BRCA2: variants seen among roughly 807,000 people sequenced by gnomAD.
BRCA2 encodes the protein BRCA2 DNA repair associated, also known as breast cancer type 2 susceptibility protein.
BRCA2 carries 203 observed loss-of-function variants against 276.7 expected under a neutral mutation model. That is an observed-to-expected ratio of 0.73 (90% CI 0.65 to 0.82). The LOEUF is 0.82. Among genes scored for constraint, BRCA2 ranks in the 40% least tolerant of loss-of-function variants. The pLI, the probability that BRCA2 is intolerant of heterozygous loss-of-function variation, is 0.00. For missense variants in BRCA2, 3,920 were observed against 3,915.0 expected, an observed-to-expected ratio of 1.00 and a Z score of -0.03; for synonymous variants, 1,289 against 1,338.4, an observed-to-expected ratio of 0.96 and a Z score of 0.81.
Position 32,363,463 on chromosome 13 carries a change from A to G in BRCA2, c.8261A>G (p.His2754Arg), listed in dbSNP as rs1555287066. The G allele has an allele frequency of 6.2e-7, 1 of 1,614,166 alleles. No homozygotes were observed. The highest frequency in any genetic ancestry group is 2.2e-5 in the East Asian group (1 of 44,876). ...RLTVGQKIIL[H>R]GAELVGSPDA... is the part of the protein sequence containing the mutation. ...ACAGTTGGTCAGAAGATTATTCTTC[A>G]TGGAGCAGAACTGGTGGGCTCTCCT... The change falls in exon 18 of 27, where the codon CAT becomes CGT. Residue 2754 changes from histidine (H) to arginine (R), a missense_variant. Around this residue, in one of 2 missense-constraint regions of BRCA2, gnomAD observed 3,263 missense variants for 3,156.9 expected, o/e 1.03. Transcript: ENST00000380152.
intron 4 of BRCA2, 26 bp downstream of exon 4, chr13:32,325,210 T>TGTTTC: frequency 7.0e-7 from 1 of 1,427,076 alleles, no homozygotes; most frequent in Non-Finnish European, 9.8e-7. Flanking sequence ...TATATTAAAA[T>TGTTTC]ATTTAAATGA....
rs771226774 is a variant in BRCA2, at chr13:32,336,433, G to A, written c.2078G>A (p.Cys693Tyr). 1.9e-6 allele frequency: 3 copies of A among 1,613,712 alleles called. No homozygotes were observed. The highest frequency in any genetic ancestry group is 2.5e-6 in the Non-Finnish European group (3 of 1,179,880). ...GATCTTGATTATAAAGAAGCAAAAT[G>A]TAATAAGGAAAAACTACAGTTATTT... ...SQDLDYKEAK[C>Y]NKEKLQLFIT... Residue 693 changes from cysteine (C) to tyrosine (Y), a missense_variant, in exon 11 of 27, where the codon TGT becomes TAT. Physicochemically the swap from Cys to Tyr is radical, Grantham distance 194 (BLOSUM62 -2). Coordinates refer to ENST00000380152, the MANE Select transcript of BRCA2 (RefSeq NM_000059.4).
At chr13:32,370,931 T>C in intron 19 of BRCA2, 25 bp from the exon 20 acceptor site, 3 of 1,613,774 alleles carry the variant, frequency 1.9e-6, no homozygotes, top group Non-Finnish European at 2.5e-6. Flanking sequence ...GTGACTTTTT[T>C]GGTGTGTGTA....
In BRCA2 at chr13:32,338,577, C is replaced by A. The variant is rs80358663; in HGVS notation, c.4222C>A (p.Gln1408Lys). 1 of 1,595,496 alleles carries A rather than the reference C, an allele frequency of 6.3e-7. No homozygotes were observed. Among genetic ancestry groups the A allele is most frequent in the Non-Finnish European group, 8.5e-7 (1 of 1,170,794 alleles). Residue 1408 changes from glutamine (Q) to lysine (K), a missense_variant, in exon 11 of 27, where the codon CAG becomes AAG. Physicochemically the swap from Gln to Lys is moderately conservative, Grantham distance 53. Transcript: ENST00000380152. ...ACHGNTSNKE[Q>K]LTATKTEQNI... Reference sequence around the variant, plus strand: ...TCATGGTAATACTTCAAATAAAGAACAGTTAACTGCTACTAAAACGGAGCA... The same window carrying A: ...TCATGGTAATACTTCAAATAAAGAAAAGTTAACTGCTACTAAAACGGAGCA...
chr13:32,323,400 G>A (rs369677681), intron 3 of BRCA2, among the ~76,000 whole-genome samples: 13 of 151,994 alleles, frequency 8.6e-5, no homozygotes, highest in South Asian at 4.1e-4. Flanking sequence ...TGATCCGCTC[G>A]CCTCGGCCTC....
chr13:32,328,373 C>T (rs2072365340), intron 7 of BRCA2, among the ~76,000 whole-genome samples: 1 of 151,848 alleles, frequency 6.6e-6, no homozygotes, highest in African/African-American at 2.4e-5. Flanking sequence ...TCCCGAGTAG[C>T]TGGGATTACA....
At chr13:32,324,749 C>G (rs2072331147) in intron 3 of BRCA2, among the ~76,000 whole-genome samples, 1 of 152,172 alleles carries the variant, frequency 6.6e-6, no homozygotes, top group Non-Finnish European at 1.5e-5. Flanking sequence ...GCCTCAGCCT[C>G]TCAAGTAGCT....
chr13:32,398,968 C>T lies in BRCA2; in HGVS notation c.*198C>T. The T allele has an allele frequency of 1.6e-6, 1 of 610,128 alleles. No individual in the cohort carries two copies. The highest frequency in any genetic ancestry group is 2.7e-6 in the Non-Finnish European group (1 of 370,420). The allele number at this position is 610,128 out of a possible 1,614,324, so 37.8% of individuals were successfully genotyped here. A position where few individuals can be genotyped will look rare whatever the true frequency, so the allele number is the denominator to read the frequency against. ...TATTGGTATACTTTTGCTTCAGTTG[C>T]ATATCTTAAAACTAAATGTAATTTA... On this transcript the variant is annotated 3_prime_UTR_variant, in exon 27 of 27. Coordinates refer to ENST00000380152, the MANE Select transcript of BRCA2 (RefSeq NM_000059.4).
intron 24 of BRCA2, among the ~76,000 whole-genome samples, chr13:32,383,112 G>A (rs2072935469): frequency 6.6e-6 from 1 of 152,238 alleles, no homozygotes; most frequent in South Asian, 2.1e-4. Flanking sequence ...CTGTAATCCA[G>A]CACTTTGGGA....
chr13:32,387,703 C>G (rs1162240991), intron 24 of BRCA2, among the ~76,000 whole-genome samples: 1 of 152,214 alleles, frequency 6.6e-6, no homozygotes, highest in Non-Finnish European at 1.5e-5. Context: ...CTTGGTTCCT[C>G]TTTGAAGTTC....
Position 32,326,644 on chromosome 13 carries a change from A to G in BRCA2, c.631+31A>G, listed in dbSNP as rs751556123. 4.7e-6 allele frequency: 7 copies of G among 1,483,056 alleles called. No individual in the cohort carries two copies. Among genetic ancestry groups the G allele is most frequent in the East Asian group, 2.3e-5 (1 of 44,100 alleles). 91.9% of individuals were successfully genotyped at this position (1,483,056 alleles called of 1,614,324 possible). A position where few individuals can be genotyped will look rare whatever the true frequency, so the allele number is the denominator to read the frequency against. ...AATAGCAAATGTGTATTTACAAGAA[A>G]GAGCAGATGAGGTTGATAATTGTCA... On this transcript the variant is annotated intron_variant, in intron 7 of 26. Transcript: ENST00000380152.
chr13:32,373,893 G>T (rs964896772), intron 20 of BRCA2, among the ~76,000 whole-genome samples: 1 of 152,250 alleles, frequency 6.6e-6, no homozygotes, highest in Non-Finnish European at 1.5e-5. Flanking sequence ...TTCTCTATGA[G>T]GGCTCTGCCC....
Position 32,376,760 on chromosome 13 carries a change from T to G in BRCA2, c.8723T>G (p.Val2908Gly), listed in dbSNP as rs28897753. Residue 2908 changes from valine to glycine, a missense_variant, in exon 21 of 27, where the codon GTG becomes GGG. Physicochemically the swap from Val to Gly is moderately radical, Grantham distance 109. Around this residue, in one of 2 missense-constraint regions of BRCA2, gnomAD observed 657 missense variants for 758.2 expected, o/e 0.87. Coordinates refer to ENST00000380152, the MANE Select transcript of BRCA2 (RefSeq NM_000059.4). ...GATGGTGCAGAGCTTTATGAAGCAGTGAAGAATGCAGCAGACCCAGCTTAC... is the reference window on the plus strand; with the variant it reads ...GATGGTGCAGAGCTTTATGAAGCAGGGAAGAATGCAGCAGACCCAGCTTAC... ...LQDGAELYEA[V>G]KNAADPAYLE... The G allele has an allele frequency of 3.8e-5, 62 of 1,613,964 alleles. No homozygotes were observed. The highest frequency in any genetic ancestry group is 5.2e-5 in the Non-Finnish European group (61 of 1,180,014).
chr13:32,398,558 A>G lies in BRCA2; in HGVS notation c.10045A>G (p.Thr3349Ala), dbSNP rs80358387. ...TGACGAAGAACTTGCATTGATAAAT[A>G]CCCAAGCTCTTTTGTCTGGTTCAAC... ...IADEELALIN[T>A]QALLSGSTGE... The change falls in exon 27 of 27, where the codon ACC becomes GCC. Residue 3349 changes from threonine to alanine, a missense_variant. By Grantham distance (58) the Thr-to-Ala change is moderately conservative. Transcript: ENST00000380152. The G allele has an allele frequency of 6.0e-5, 97 of 1,614,034 alleles. No individual in the cohort carries two copies. The highest frequency in any genetic ancestry group is 4.8e-4 in the Admixed American group (29 of 59,988).
chr13:32,336,218 G>A (rs138981839), intron 10 of BRCA2, 47 bp from the exon 11 acceptor site: 7 of 1,559,994 alleles, frequency 4.5e-6, no homozygotes, highest in African/African-American at 1.4e-5. Context: ...TTTAGTGAAT[G>A]TGATTGATGG....
intron 16 of BRCA2, among the ~76,000 whole-genome samples, chr13:32,360,757 G>GTGA (rs1309884503): frequency 2.6e-5 from 4 of 152,220 alleles, no homozygotes; most frequent in African/African-American, 9.6e-5. Context: ...AGAAATACAT[G>GTGA]TGAGAGGTGG....
At chr13:32,398,051 G>A in intron 26 of BRCA2, 111 bp from the exon 27 acceptor site, 2 of 1,153,538 alleles carry the variant, frequency 1.7e-6, no homozygotes, top group Non-Finnish European at 2.5e-6. Flanking sequence ...AGGGGAGGGA[G>A]ACTGTGTGTA....
chr13:32,339,852 A>G lies in BRCA2; in HGVS notation c.5497A>G (p.Asn1833Asp), dbSNP rs2072530840. ...TGCAGCCATTAAATTGTCCATATCT[A>G]ATAGTAATAATTTTGAGGTAGGGCC... ...KNAAIKLSIS[N>D]SNNFEVGPPA... Residue 1833 changes from asparagine (N) to aspartate (D), a missense_variant, in exon 11 of 27, where the codon AAT (asparagine) becomes GAT (aspartate). Asn to Asp is a conservative substitution (Grantham distance 23). Coordinates refer to ENST00000380152, the MANE Select transcript of BRCA2 (RefSeq NM_000059.4). 1 of 1,613,352 alleles carries G rather than the reference A, an allele frequency of 6.2e-7. No individual in the cohort carries two copies.
In BRCA2 at chr13:32,357,949, T is replaced by A. The variant is rs748077968; in HGVS notation, c.7805+20T>A. 1 of 1,608,688 alleles carries A rather than the reference T, an allele frequency of 6.2e-7. No individual in the cohort carries two copies. Among genetic ancestry groups the A allele is most frequent in the Non-Finnish European group, 8.5e-7 (1 of 1,175,178 alleles). On this transcript the variant is annotated intron_variant, in intron 16 of 26. Transcript: ENST00000380152. The stretch of plus-strand genomic sequence containing the variant: ...TTATAGGTACTCTATGCAAAAAGAT[T>A]GTGTGTTAACTTTTATGTATTCCCT...
Sources: gnomAD v4.1 joint callset for allele counts (sites outside exome capture counted in the v4.1 genomes callset) on GRCh38, gnomAD v4.1.1 for gene constraint, gnomAD v4.1.1 regional missense constraint, MANE v1.5 for transcripts, NCBI Gene and HGNC (gene_info 2026-07-23, HGNC 2026-07-21) for gene names.